The following CDH11 variants were observed in gnomAD, a reference collection of about 807,000 sequenced individuals.
The protein encoded by CDH11 is cadherin 11, also known as cadherin-11.
CDH11 carries 11 observed loss-of-function variants against 67.8 expected under a neutral mutation model. The observed-to-expected ratio is 0.16, with a 90% CI of 0.10 to 0.27. CDH11 has a LOEUF of 0.27. Among genes scored for constraint, CDH11 ranks in the 10% least tolerant of loss-of-function variants. CDH11 has a pLI of 1.00. For missense variants in CDH11, 847 were observed against 1,031.2 expected, an observed-to-expected ratio of 0.82 and a Z score of 2.45; for synonymous variants, 419 against 400.0, an observed-to-expected ratio of 1.05 and a Z score of -0.57.
intron 11 of CDH11, among the ~76,000 whole-genome samples, chr16:64,971,155 A>C (rs2071993537): frequency 6.6e-6 from 1 of 152,228 alleles, no homozygotes; most frequent in Non-Finnish European, 1.5e-5. Context: ...CACTGCATTA[A>C]AACTGTACTT....
chr16:65,016,528 T>C (rs1219279050), intron 2 of CDH11, among the ~76,000 whole-genome samples: 1 of 152,224 alleles, frequency 6.6e-6, no homozygotes, highest in Admixed American at 6.5e-5. Flanking sequence ...CAGGTAATCC[T>C]ATTGTGAAAT....
chr16:64,951,601 T>C (rs2071363596), intron 11 of CDH11, among the ~76,000 whole-genome samples: 1 of 152,090 alleles, frequency 6.6e-6, no homozygotes, highest in Admixed American at 6.5e-5. Flanking sequence ...ATCTACTCTA[T>C]GTTAGCACAC....
In CDH11 at chr16:65,081,563, T is replaced by C. The variant is rs2074611125; in HGVS notation, c.-297-27635A>G. 8.8e-5 allele frequency among the ~76,000 whole-genome samples: 13 copies of C among 147,856 alleles called. 1 individual carries two copies. Among genetic ancestry groups the C allele is most frequent in the Admixed American group, 8.7e-4 (13 of 14,876 alleles). The stretch of plus-strand genomic sequence containing the variant: ...CAGCCTGGGTGACTGAACGAGACTC[T>C]GTCTCAAAAAAAAAAAAAAAAAGCA... On this transcript the variant is annotated intron_variant, in intron 1 of 12. Transcript: ENST00000268603.
In CDH11 at chr16:64,946,818, T is replaced by C. The variant is rs1310015214; in HGVS notation, c.*785A>G. On this transcript the variant is annotated 3_prime_UTR_variant, in exon 13 of 13. Coordinates refer to ENST00000268603, the MANE Select transcript of CDH11 (RefSeq NM_001797.4). ...TTTTTTTATTTCAAAGATTGCTTCT[T>C]ATATTGAAGCTCATATTAAAGCAAC... The C allele has an allele frequency of 2.3e-6, 2 of 872,282 alleles. No individual in the cohort carries two copies. The highest frequency in any genetic ancestry group is 3.6e-5 in the African/African-American group (2 of 55,614). The allele number at this position is 872,282 out of a possible 1,614,324, so 54.0% of individuals were successfully genotyped here.
chr16:65,041,448 C>G (rs139384651), intron 2 of CDH11, among the ~76,000 whole-genome samples: 2 of 151,844 alleles, frequency 1.3e-5, no homozygotes, highest in African/African-American at 4.8e-5. Context: ...ACTGTCCAGT[C>G]GAGTGTAGCA....
At chr16:65,032,324 C>CAA (rs35617108) in intron 2 of CDH11, among the ~76,000 whole-genome samples, 2,208 of 109,344 alleles carry the variant, frequency 0.02, 94 homozygotes, top group East Asian at 0.18. Context: ...CTGTCTCTCC[C>CAA]AAAAAAAAAA....
chr16:65,073,908 T>C (rs538450201), intron 1 of CDH11, among the ~76,000 whole-genome samples: 2 of 152,250 alleles, frequency 1.3e-5, no homozygotes, highest in East Asian at 3.9e-4. Context: ...AAGTAGATGC[T>C]TGGAGAATGG....
intron 2 of CDH11, among the ~76,000 whole-genome samples, chr16:65,008,066 A>G (rs1325795185): frequency 2.0e-5 from 3 of 152,238 alleles, no homozygotes; most frequent in Non-Finnish European, 4.4e-5. Context: ...ATAAGCCATG[A>G]AGTGTATTAG....
At chr16:65,026,779 G>A (rs956344671) in intron 2 of CDH11, among the ~76,000 whole-genome samples, 1 of 152,072 alleles carries the variant, frequency 6.6e-6, no homozygotes, top group Non-Finnish European at 1.5e-5. Flanking sequence ...AATGAATCAT[G>A]ATTTTCAAAC....
At chr16:65,001,017 AG>A (rs560748729) in intron 3 of CDH11, among the ~76,000 whole-genome samples, 142 of 152,088 alleles carry the variant, frequency 9.3e-4, no homozygotes, top group Middle Eastern at 3.4e-3. Context: ...TATGAGACTA[AG>A]GCCTAGAGAC....
At chr16:64,994,283 C>T (rs927101791) in intron 4 of CDH11, among the ~76,000 whole-genome samples, 1 of 152,182 alleles carries the variant, frequency 6.6e-6, no homozygotes, top group Non-Finnish European at 1.5e-5. Context: ...AAAATACCAT[C>T]ATGGTGTGGC....
intron 11 of CDH11, among the ~76,000 whole-genome samples, chr16:64,963,667 C>G (rs1390753949): frequency 6.6e-6 from 1 of 151,974 alleles, no homozygotes; most frequent in East Asian, 1.9e-4. Context: ...ATTCAAACTA[C>G]AGAAAAATCA....
chr16:65,122,105 G>T (rs1201829662), upstream of CDH11: 17 of 560,066 alleles, frequency 3.0e-5, no homozygotes, highest in Non-Finnish European at 4.7e-5. Flanking sequence ...GAAACCGGGG[G>T]GAGGTGGCGG....
At chr16:65,083,238 C>T (rs898899665) in intron 1 of CDH11, among the ~76,000 whole-genome samples, 2 of 152,196 alleles carry the variant, frequency 1.3e-5, no homozygotes, top group African/African-American at 4.8e-5. Flanking sequence ...AAAGCCTGCA[C>T]TCTTCCCCAG....
chr16:64,990,091 C>T (rs1411594317), intron 6 of CDH11, among the ~76,000 whole-genome samples: 1 of 152,154 alleles, frequency 6.6e-6, no homozygotes, highest in African/African-American at 2.4e-5. Flanking sequence ...TTGTCCAAAT[C>T]TCATTCAAGT....
At chr16:65,021,175 C>T (rs2073415680) in intron 2 of CDH11, among the ~76,000 whole-genome samples, 2 of 152,206 alleles carry the variant, frequency 1.3e-5, no homozygotes, top group South Asian at 2.1e-4. Flanking sequence ...AAGTATATTC[C>T]CTACATAGTT....
At chr16:64,993,200 TC>T (rs1211732865) in intron 4 of CDH11, among the ~76,000 whole-genome samples, 166 bp from the exon 5 acceptor site, 12 of 62,578 alleles carry the variant, frequency 1.9e-4, no homozygotes, top group Admixed American at 7.0e-4. Flanking sequence ...CAACCAACCT[TC>T]CTTCCTTCCT....
intron 5 of CDH11, among the ~76,000 whole-genome samples, chr16:64,992,548 T>C (rs1355318383): frequency 6.6e-6 from 1 of 152,240 alleles, no homozygotes; most frequent in Non-Finnish European, 1.5e-5. Context: ...CTCACTTAAA[T>C]CTTTAGGAGA....
intron 8 of CDH11, among the ~76,000 whole-genome samples, chr16:64,979,267 T>C (rs1436416562): frequency 6.6e-6 from 1 of 152,128 alleles, no homozygotes; most frequent in African/African-American, 2.4e-5. Flanking sequence ...GTGGCCAACA[T>C]GGCAAAACCC....
Sources: gnomAD v4.1 joint callset for allele counts (sites outside exome capture counted in the v4.1 genomes callset) on GRCh38, gnomAD v4.1.1 for gene constraint, MANE v1.5 for transcripts, NCBI Gene and HGNC (gene_info 2026-07-23, HGNC 2026-07-21) for gene names.